Variants in HOOK2 observed in about 807,000 individuals in gnomAD.
HOOK2 encodes protein Hook homolog 2.
HOOK2 carries 108 observed loss-of-function variants against 111.9 expected under a neutral mutation model. The ratio of observed to expected loss-of-function variants is 0.96; its 90% CI spans 0.83 to 1.13. HOOK2 has a LOEUF of 1.13. Among genes scored for constraint, HOOK2 ranks in the 50% most tolerant of loss-of-function variants. The pLI, the probability that HOOK2 is intolerant of heterozygous loss-of-function variation, is 0.00. For missense variants in HOOK2, 978 were observed against 951.3 expected (o/e 1.03, Z -0.37); for synonymous variants, 405 against 394.3 (o/e 1.03, Z -0.32).
intron 3 of HOOK2, chr19:12,785,238 CCTCA>C (rs2145797831): frequency 6.5e-6 from 1 of 153,372 alleles, no homozygotes; most frequent in Admixed American, 6.6e-5. Flanking sequence ...AAGCCACAGA[CCTCA>C]CACACAGAGA....
At position 12,769,949 on chromosome 19, in the gene HOOK2, G is replaced by T. The variant is rs1364753633; in HGVS notation, c.1036C>A (p.Arg346=). 6.4e-7 allele frequency: 1 copy of T among 1,557,412 alleles called. No homozygotes were observed. The highest frequency in any genetic ancestry group is 8.6e-7 in the Non-Finnish European group (1 of 1,158,798). Residue 346 remains arginine (R), a synonymous_variant, in exon 11 of 23, where the codon CGA becomes AGA. Transcript: ENST00000397668. ...ERNAGHAERT[R]QLEDELRRAG... is the part of the protein sequence containing the mutation. ...CGGCGTAGCTCATCCTCCAGTTGTC[G>T]CGTGCGCTCGGCGTGGCCGGCGTTG...
chr19:12,769,844 G>C (rs1043914134), intron 11 of HOOK2, 37 bp downstream of exon 11: 12 of 1,374,316 alleles, frequency 8.7e-6, no homozygotes, highest in African/African-American at 6.2e-5. Context: ...TTGCTGCCAG[G>C]GGCGGGGCCC....
At chr19:12,765,662 CGAG>C in intron 18 of HOOK2, 25 bp downstream of exon 18, 3 of 1,613,878 alleles carry the variant, frequency 1.9e-6, no homozygotes, top group Non-Finnish European at 2.5e-6. Context: ...CATGCCCCCA[CGAG>C]GAGTTCCCTC....
chr19:12,785,962 T>C (rs534856531), intron 3 of HOOK2, among the ~76,000 whole-genome samples: 1 of 152,254 alleles, frequency 6.6e-6, no homozygotes, highest in East Asian at 1.9e-4. Context: ...GTCTTGGTGA[T>C]GCCCAGGTCC....
upstream of HOOK2, among the ~76,000 whole-genome samples, chr19:12,783,005 C>G (rs946394992): frequency 1.3e-5 from 2 of 152,094 alleles, no homozygotes; most frequent in South Asian, 4.1e-4. Context: ...ATGCGCTTCC[C>G]GCTCGTGATC....
chr19:12,788,188 C>T (rs554954539), intron 3 of HOOK2, among the ~76,000 whole-genome samples: 13 of 152,196 alleles, frequency 8.5e-5, no homozygotes, highest in Non-Finnish European at 1.6e-4. Context: ...GCTCTGAAGC[C>T]AGACAGCTTG....
Position 12,763,075 on chromosome 19 carries a change from G to C in HOOK2, c.*207C>G. ...TGAGGCAGCACATGAACTCCAGAGA[G>C]AGAATCAACAACAAGAATCACATTG... On this transcript the variant is annotated 3_prime_UTR_variant, in exon 23 of 23. Coordinates refer to ENST00000397668, the MANE Select transcript of HOOK2 (RefSeq NM_013312.3). The C allele has an allele frequency of 1.7e-6, 1 of 584,064 alleles. No homozygotes were observed. The highest frequency in any genetic ancestry group is 3.0e-6 in the Non-Finnish European group (1 of 336,014). The allele number at this position is 584,064 out of a possible 1,614,324, so 36.2% of individuals were successfully genotyped here.
rs1043525085 is a variant in HOOK2 at position 12,786,293 on chromosome 19, T to C, written n.42-12068A>G. On this transcript the variant is annotated intron_variant and non_coding_transcript_variant, in intron 3 of 3. Transcript: ENST00000589765. This position sits in a 1 kb window ranked among gnomAD's most constrained non-coding sequence, Gnocchi z 4.3. ...TGGGTTCTCGCCCTGGCCTGCCCACTGGCTGACTCACAGGCAGCCCCCAGC... is the reference window on the plus strand; with the variant it reads ...TGGGTTCTCGCCCTGGCCTGCCCACCGGCTGACTCACAGGCAGCCCCCAGC... Among the ~76,000 whole-genome samples, 1 of 152,016 alleles carries C rather than the reference T, an allele frequency of 6.6e-6. No homozygotes were observed. The highest frequency in any genetic ancestry group is 1.5e-5 in the Non-Finnish European group (1 of 67,954).
chr19:12,789,207 G>GAGAGAGAC (rs1968683167), intron 3 of HOOK2, among the ~76,000 whole-genome samples: 2 of 135,020 alleles, frequency 1.5e-5, no homozygotes, highest in African/African-American at 7.0e-5. Flanking sequence ...GAGAGAGAGA[G>GAGAGAGAC]AGAGACAGAG....
At chr19:12,771,132 C>T (rs1392347209) in intron 9 of HOOK2, 27 bp downstream of exon 9, 2 of 1,611,894 alleles carry the variant, frequency 1.2e-6, no homozygotes, top group Non-Finnish European at 1.7e-6. Flanking sequence ...CCCTGGCTTG[C>T]CTGGCCCAGT....
At position 12,791,780 on chromosome 19, in the gene HOOK2, T is replaced by C. The variant is rs1599522938; in HGVS notation, n.42-17555A>G. 1.2e-6 allele frequency: 2 copies of C among 1,608,260 alleles called. No homozygotes were observed. The highest frequency in any genetic ancestry group is 4.5e-5 in the East Asian group (2 of 44,676). On this transcript the variant is annotated intron_variant and non_coding_transcript_variant, in intron 3 of 3. Coordinates refer to the HOOK2 transcript ENST00000589765. The surrounding 1 kb of genome is among the most constrained non-coding windows in gnomAD (Gnocchi z 7.0). ...CCGCCTGGGCCGCCCGGATGTGCAC[T>C]AAAATGGAACAGCCCTTCTACCACG...
chr19:12,763,212 T>TGA lies in HOOK2; in HGVS notation c.*69_*70insTC. 1 of 1,548,472 alleles carries TGA rather than the reference T, an allele frequency of 6.5e-7. No homozygotes were observed. The highest frequency in any genetic ancestry group is 2.3e-4 in the Middle Eastern group (1 of 4,282). ...TCTCGAGCACCTGGCTGAAGCCCAG[T>TGA]GCTGGGCGCCATGTGAGCTGGAGGA... On this transcript the variant is annotated 3_prime_UTR_variant, in exon 23 of 23. Coordinates refer to ENST00000397668, the MANE Select transcript of HOOK2 (RefSeq NM_013312.3).
chr19:12,787,653 CAATA>C (rs1473710713), intron 3 of HOOK2, among the ~76,000 whole-genome samples: 1 of 150,960 alleles, frequency 6.6e-6, no homozygotes, highest in African/African-American at 2.4e-5. Context: ...ACAAAACAAA[CAATA>C]AAAAAAAACT....
At chr19:12,768,787 CT>C (rs1043503140) in intron 11 of HOOK2, among the ~76,000 whole-genome samples, 7 of 150,272 alleles carry the variant, frequency 4.7e-5, no homozygotes, top group Non-Finnish European at 8.9e-5. Flanking sequence ...TTTTCTTTTT[CT>C]TTTTTTAATA....
Position 12,765,782 on chromosome 19 carries a change from TC to T in HOOK2, c.1605+46del, listed in dbSNP as rs780109446. ...ATCCAGAGAGGCCCTAATTCTTCCT[TC>T]CCAGGGTGAGGGTAGGGGGTGCCAT... On this transcript the variant is annotated intron_variant, in intron 17 of 22. Coordinates refer to ENST00000397668, the MANE Select transcript of HOOK2 (RefSeq NM_013312.3). 1.9e-6 allele frequency: 3 copies of T among 1,614,020 alleles called. No homozygotes were observed. In the Admixed American group the frequency reaches 5.0e-5, roughly 27 times the overall value.
intron 6 of HOOK2, 150 bp downstream of exon 6, chr19:12,772,462 TG>T: frequency 1.0e-6 from 1 of 1,004,876 alleles, no homozygotes; most frequent in Non-Finnish European, 1.5e-6. Context: ...TGGGAGGAGC[TG>T]GCAGACACAT....
In HOOK2 at chr19:12,791,682, C is replaced by A; in HGVS notation, n.42-17457G>T. 1 of 954,524 alleles carries A rather than the reference C, an allele frequency of 1.0e-6. No individual in the cohort carries two copies. The highest frequency in any genetic ancestry group is 1.5e-6 in the Non-Finnish European group (1 of 672,130). 59.1% of individuals were successfully genotyped at this position (954,524 alleles called of 1,614,324 possible). A position where few individuals can be genotyped will look rare whatever the true frequency, so the allele number is the denominator to read the frequency against. On this transcript the variant is annotated intron_variant and non_coding_transcript_variant, in intron 3 of 3. Transcript: ENST00000589765. This position sits in a 1 kb window ranked among gnomAD's most constrained non-coding sequence, Gnocchi z 7.0. ...AGAACGCGCGACCAGGCACCCAGTC[C>A]GGTCACCGCAGCGGAGAGCTCGCCG...
chr19:12,784,922 G>A (rs1014171533), intron 3 of HOOK2: 4 of 152,318 alleles, frequency 2.6e-5, no homozygotes, highest in African/African-American at 7.2e-5. Context: ...ACACATCAGA[G>A]ATGCTCCCAG....
rs2145716969 is a variant in HOOK2 at position 12,763,560 on chromosome 19, C to T, written c.1978G>A (p.Glu660Lys). 3 of 1,614,248 alleles carry T rather than the reference C, an allele frequency of 1.9e-6. No homozygotes were observed. In the East Asian group the frequency reaches 6.7e-5, roughly 36 times the overall value. Residue 660 changes from glutamate (E) to lysine (K), a missense_variant, in exon 22 of 23, where the codon GAA becomes AAA. Physicochemically the swap from Glu to Lys is moderately conservative, Grantham distance 56. Coordinates refer to ENST00000397668, the MANE Select transcript of HOOK2 (RefSeq NM_013312.3). Reference sequence around the variant, plus strand: ...TACCAGGCACTGATGAGCAGCTTTTCTTCCTGCTCCCGCTGACTTCGGCTT... The same window carrying T: ...TACCAGGCACTGATGAGCAGCTTTTTTTCCTGCTCCCGCTGACTTCGGCTT... ...EKSRSQREQEEKLLISAWYNM... is the reference protein window; with the variant it reads ...EKSRSQREQEKKLLISAWYNM...
Sources: allele counts gnomAD v4.1 joint callset (sites outside exome capture counted in the v4.1 genomes callset), GRCh38; gene constraint gnomAD v4.1.1; non-coding constraint Gnocchi (gnomAD v3.1); transcripts MANE v1.5; gene names NCBI Gene and HGNC (gene_info 2026-07-23, HGNC 2026-07-21).